The following TUSC3 variants were observed in gnomAD, a reference collection of about 807,000 sequenced individuals.
TUSC3 encodes the protein tumor suppressor candidate 3, also known as dolichyl-diphosphooligosaccharide--protein glycosyltransferase subunit TUSC3.
Under a neutral mutation model 44.8 loss-of-function variants are expected in TUSC3, and 45 were observed. That is an observed-to-expected ratio of 1.00 (90% CI 0.79 to 1.29). The LOEUF (loss-of-function observed/expected upper bound fraction) is 1.29. Ranked by LOEUF, TUSC3 falls within the 50% of genes most tolerant of loss-of-function variation. The probability of loss-of-function intolerance (pLI) is 0.00; values close to 1 mark genes in which losing one functional copy is unlikely to be tolerated. For synonymous variants in TUSC3, 212 were observed against 152.9 expected (o/e 1.39, Z -2.85); for missense variants, 519 against 437.9 (o/e 1.19, Z -1.65).
upstream of TUSC3, among the ~76,000 whole-genome samples, chr8:15,538,460 T>G (rs1207961666): frequency 6.6e-6 from 1 of 152,202 alleles, no homozygotes; most frequent in Non-Finnish European, 1.5e-5. Context: ...GTAAACTCCT[T>G]TAACAAAGGC....
the TUSC3 span, among the ~76,000 whole-genome samples, chr8:15,839,610 A>G: frequency 3.9e-5 from 6 of 152,262 alleles, no homozygotes; most frequent in Non-Finnish European, 7.3e-5. Flanking sequence ...TATGCAGCCA[A>G]CAGATACATG....
chr8:15,827,989 G>T, the TUSC3 span, among the ~76,000 whole-genome samples: 1 of 120,324 alleles, frequency 8.3e-6, no homozygotes, highest in Non-Finnish European at 1.7e-5. Flanking sequence ...TGCAGAATTT[G>T]GTATCTTTTT....
rs374677394 is a variant in TUSC3, at chr8:15,738,496, C to T, written c.863-5042C>T. On this transcript the variant is annotated intron_variant, in intron 7 of 10. Transcript: ENST00000503731. Reference sequence around the variant, plus strand: ...GAACACAGAAACACCCATTCATTTACGTATTGCCTGTGACTACTTTTGCAC... The same window carrying T: ...GAACACAGAAACACCCATTCATTTATGTATTGCCTGTGACTACTTTTGCAC... Among the ~76,000 whole-genome samples the T allele has an allele frequency of 9.4e-4, 143 of 152,242 alleles. 5 individuals carry two copies. In the South Asian group the frequency reaches 0.027, roughly 28 times the overall value.
chr8:15,565,953 A>T (rs746874802), intron 1 of TUSC3, among the ~76,000 whole-genome samples: 2 of 152,294 alleles, frequency 1.3e-5, no homozygotes, highest in Admixed American at 6.5e-5. Context: ...AGCTTAATTC[A>T]TTCTTACTAA....
At chr8:15,631,544 G>C (rs1271016614) in intron 2 of TUSC3, among the ~76,000 whole-genome samples, 1 of 151,986 alleles carries the variant, frequency 6.6e-6, no homozygotes, top group African/African-American at 2.4e-5. Flanking sequence ...TTTGCATTTT[G>C]CTCTCTTTTA....
At chr8:15,519,390 C>T (rs1801263974) in intron 2 of TUSC3, among the ~76,000 whole-genome samples, 1 of 152,052 alleles carries the variant, frequency 6.6e-6, no homozygotes, top group African/African-American at 2.4e-5. Context: ...GCTTATTACT[C>T]ATAAATTACA....
intron 1 of TUSC3, among the ~76,000 whole-genome samples, chr8:15,604,952 T>C (rs1804456244): frequency 6.6e-6 from 1 of 151,890 alleles, no homozygotes; most frequent in Non-Finnish European, 1.5e-5. Flanking sequence ...ATATCTGGGA[T>C]TGCTTTCTTC....
the TUSC3 span, among the ~76,000 whole-genome samples, chr8:15,781,864 G>A: frequency 6.6e-6 from 1 of 152,200 alleles, no homozygotes; most frequent in African/African-American, 2.4e-5. Context: ...TGGGCACGGT[G>A]GCTCATGTCT....
At chr8:15,422,215 C>T (rs770933313) in intron 1 of TUSC3, among the ~76,000 whole-genome samples, 11 of 152,138 alleles carry the variant, frequency 7.2e-5, no homozygotes, top group African/African-American at 2.4e-4. Context: ...TCTCATGTTA[C>T]TATTCTTGTG....
the TUSC3 span, among the ~76,000 whole-genome samples, chr8:15,834,403 A>G: frequency 6.6e-6 from 1 of 152,144 alleles, no homozygotes; most frequent in Non-Finnish European, 1.5e-5. Flanking sequence ...TGTAGTGACC[A>G]TAGCGGATAC....
intron 2 of TUSC3, among the ~76,000 whole-genome samples, chr8:15,510,038 A>C (rs1173953586): frequency 6.6e-6 from 1 of 151,972 alleles, no homozygotes; most frequent in Non-Finnish European, 1.5e-5. Flanking sequence ...CGAGCCATGG[A>C]GGTGCACAAC....
intron 1 of TUSC3, among the ~76,000 whole-genome samples, chr8:15,444,431 ATAAC>A (rs1182353664): frequency 6.6e-6 from 1 of 152,244 alleles, no homozygotes; most frequent in African/African-American, 2.4e-5. Flanking sequence ...TAGATGGAAA[ATAAC>A]TAAGAGGAAA....
rs116568102 is a variant in TUSC3 at position 15,583,819 on chromosome 8, A to T, written c.139-39261A>T. On this transcript the variant is annotated intron_variant, in intron 1 of 10. Coordinates refer to ENST00000503731, the MANE Select transcript of TUSC3 (RefSeq NM_006765.4). ...TAAAAGAAGTATAAGCCATTTATGT[A>T]TATCCTAAAACCAGAAAAAAACCAC... is the stretch of plus-strand genomic sequence containing the variant. Among the ~76,000 whole-genome samples, 468 of 152,330 alleles carry T rather than the reference A, an allele frequency of 3.1e-3. 2 individuals are homozygous for T. Among genetic ancestry groups the T allele is most frequent in the African/African-American group, 0.011 (456 of 41,578 alleles).
intron 4 of TUSC3, among the ~76,000 whole-genome samples, chr8:15,661,457 CTT>C (rs1192758110): frequency 6.6e-6 from 1 of 151,974 alleles, no homozygotes. Context: ...TCTGCCTCAT[CTT>C]TGTTCATGAT....
intron 6 of TUSC3, among the ~76,000 whole-genome samples, chr8:15,688,745 A>C (rs1433915067): frequency 6.6e-6 from 1 of 152,126 alleles, no homozygotes; most frequent in Non-Finnish European, 1.5e-5. Flanking sequence ...TCTGTATGCC[A>C]GGGAGGACAC....
chr8:15,556,877 T>G (rs564837231), intron 1 of TUSC3, among the ~76,000 whole-genome samples: 1 of 144,124 alleles, frequency 6.9e-6, no homozygotes, highest in Middle Eastern at 3.5e-3. Context: ...TAAATTTGTT[T>G]GAGTTCATTG....
intron 6 of TUSC3, among the ~76,000 whole-genome samples, chr8:15,688,756 A>G (rs932841837): frequency 1.3e-5 from 2 of 152,178 alleles, no homozygotes; most frequent in Non-Finnish European, 2.9e-5. Flanking sequence ...GGGAGGACAC[A>G]GTTGAAGGAA....
intron 1 of TUSC3, among the ~76,000 whole-genome samples, chr8:15,436,386 T>G (rs551335054): frequency 6.6e-6 from 1 of 152,334 alleles, no homozygotes; most frequent in African/African-American, 2.4e-5. Context: ...AAATGTAACC[T>G]GCCATAGTTC....
At chr8:15,650,671 C>G in intron 2 of TUSC3, 26 bp from the exon 3 acceptor site, 1 of 1,599,708 alleles carries the variant, frequency 6.3e-7, no homozygotes, top group Non-Finnish European at 8.6e-7. Flanking sequence ...TGATGTGTTT[C>G]TACTATGGCC....
Sources: gnomAD v4.1 joint callset for allele counts (sites outside exome capture counted in the v4.1 genomes callset) on GRCh38, gnomAD v4.1.1 for gene constraint, MANE v1.5 for transcripts, NCBI Gene and HGNC (gene_info 2026-07-23, HGNC 2026-07-21) for gene names.